The following SV2C variants were observed in gnomAD, a reference collection of about 807,000 sequenced individuals.
The protein encoded by SV2C is synaptic vesicle glycoprotein 2C, also known as solute carrier family 22 member B3.
SV2C carries 49 observed loss-of-function variants against 79.7 expected under a neutral mutation model. The observed-to-expected ratio is 0.61, with a 90% CI of 0.49 to 0.78. The LOEUF is 0.78. Ranked by LOEUF, SV2C falls within the 30% of genes least tolerant of loss-of-function variation. The pLI, the probability that SV2C is intolerant of heterozygous loss-of-function variation, is 0.00. For synonymous variants in SV2C, 334 were observed against 333.2 expected (o/e 1.00, Z -0.03); for missense variants, 833 against 912.9 (o/e 0.91, Z 1.13).
the SV2C span, among the ~76,000 whole-genome samples, chr5:75,849,951 TTTA>T: frequency 6.6e-6 from 1 of 152,182 alleles, no homozygotes; most frequent in Non-Finnish European, 1.5e-5. Context: ...GTTTATAGTT[TTTA>T]TTATTTTTAT....
the SV2C span, among the ~76,000 whole-genome samples, chr5:75,971,795 C>T: frequency 1.9e-3 from 296 of 152,142 alleles, 3 homozygotes; most frequent in African/African-American, 6.1e-3. Context: ...AAGCTACCAA[C>T]GACTTTCTTC....
chr5:76,278,635 G>A (rs905890565), intron 4 of SV2C, among the ~76,000 whole-genome samples: 4 of 152,224 alleles, frequency 2.6e-5, no homozygotes, highest in African/African-American at 9.6e-5. Flanking sequence ...CCCAGGATGG[G>A]ATTAAGCTCT....
At chr5:76,140,093 A>G (rs17673963) in intron 2 of SV2C, among the ~76,000 whole-genome samples, 1 of 152,200 alleles carries the variant, frequency 6.6e-6, no homozygotes, top group Non-Finnish European at 1.5e-5. Flanking sequence ...TTTCAACTGT[A>G]CCAAGTCAGA....
At chr5:76,071,381 T>C in the SV2C span, among the ~76,000 whole-genome samples, 2 of 152,294 alleles carry the variant, frequency 1.3e-5, no homozygotes, top group East Asian at 1.9e-4. Flanking sequence ...AATTGCATTA[T>C]GGGAGATTTA....
At chr5:75,915,931 G>A in the SV2C span, among the ~76,000 whole-genome samples, 1 of 152,128 alleles carries the variant, frequency 6.6e-6, no homozygotes, top group Non-Finnish European at 1.5e-5. Flanking sequence ...TATGCATCTG[G>A]GGCTCTTGCG....
intron 12 of SV2C, among the ~76,000 whole-genome samples, chr5:76,302,304 A>C (rs1324146983): frequency 6.6e-6 from 1 of 152,162 alleles, no homozygotes; most frequent in African/African-American, 2.4e-5. Context: ...GGTTTGTTGG[A>C]GGAAAGCCAA....
chr5:76,050,268 T>C, the SV2C span, among the ~76,000 whole-genome samples: 1 of 152,216 alleles, frequency 6.6e-6, no homozygotes, highest in African/African-American at 2.4e-5. Context: ...AAATTGTACT[T>C]GGTTTCAATG....
chr5:76,066,808 A>C, the SV2C span, among the ~76,000 whole-genome samples: 2 of 151,690 alleles, frequency 1.3e-5, no homozygotes, highest in Admixed American at 1.3e-4. Context: ...AAAAAAAAAA[A>C]AAAAAAAAGC....
the SV2C span, among the ~76,000 whole-genome samples, chr5:75,965,823 T>G: frequency 3.3e-5 from 5 of 152,138 alleles, no homozygotes; most frequent in Admixed American, 3.3e-4. Context: ...GAAGATTATC[T>G]CCAGTTCTCC....
the SV2C span, among the ~76,000 whole-genome samples, chr5:75,906,930 C>T: frequency 3.3e-5 from 5 of 152,158 alleles, no homozygotes; most frequent in Non-Finnish European, 2.9e-5. Context: ...CTAGAATGTA[C>T]AAGACAGCTC....
chr5:75,949,682 T>C, the SV2C span, among the ~76,000 whole-genome samples: 1 of 152,050 alleles, frequency 6.6e-6, no homozygotes, highest in African/African-American at 2.4e-5. Context: ...TCTGCCACCA[T>C]GTAAGATATC....
At chr5:76,071,741 G>A in the SV2C span, among the ~76,000 whole-genome samples, 1 of 152,282 alleles carries the variant, frequency 6.6e-6, no homozygotes, top group South Asian at 2.1e-4. Flanking sequence ...AAATCAGCAT[G>A]TCTATTATTA....
chr5:76,218,946 C>T (rs1402074510), intron 4 of SV2C, among the ~76,000 whole-genome samples: 2 of 45,140 alleles, frequency 4.4e-5, no homozygotes, highest in Non-Finnish European at 9.5e-5. Flanking sequence ...CTTTTCCTAA[C>T]CATGTTTTCT....
chr5:76,316,381 GC>G (rs1038752450), intron 12 of SV2C, among the ~76,000 whole-genome samples: 1 of 152,096 alleles, frequency 6.6e-6, no homozygotes, highest in African/African-American at 2.4e-5. Context: ...TAATGCTTGG[GC>G]CCCAATAAAG....
At chr5:75,862,944 C>T in the SV2C span, among the ~76,000 whole-genome samples, 3 of 152,246 alleles carry the variant, frequency 2.0e-5, no homozygotes, top group East Asian at 1.9e-4. Context: ...AATCACGGAA[C>T]GGGGAGCATA....
At chr5:75,926,786 G>A in the SV2C span, among the ~76,000 whole-genome samples, 2 of 152,198 alleles carry the variant, frequency 1.3e-5, no homozygotes, top group Non-Finnish European at 2.9e-5. Flanking sequence ...ACTCACAGTT[G>A]AGGAATAGGG....
At chr5:76,217,825 A>G (rs1410457061) in intron 4 of SV2C, among the ~76,000 whole-genome samples, 2 of 152,190 alleles carry the variant, frequency 1.3e-5, no homozygotes, top group African/African-American at 4.8e-5. Flanking sequence ...AATCTTGATG[A>G]CTTTTTACCC....
At chr5:76,214,167 A>G (rs898857825) in intron 4 of SV2C, among the ~76,000 whole-genome samples, 1 of 152,196 alleles carries the variant, frequency 6.6e-6, no homozygotes, top group Non-Finnish European at 1.5e-5. Flanking sequence ...ATAGTTCTGA[A>G]CTTACATTTA....
intron 4 of SV2C, among the ~76,000 whole-genome samples, chr5:76,217,384 A>C (rs1238252105): frequency 2.0e-5 from 3 of 152,232 alleles, no homozygotes; most frequent in African/African-American, 7.2e-5. Context: ...TTCAACAAGA[A>C]GGAAGAAGAA....
Sources: gnomAD v4.1 joint callset for allele counts (sites outside exome capture counted in the v4.1 genomes callset) on GRCh38, gnomAD v4.1.1 for gene constraint, MANE v1.5 for transcripts, NCBI Gene and HGNC (gene_info 2026-07-23, HGNC 2026-07-21) for gene names.